KIAA1328: variants seen among roughly 807,000 people sequenced by gnomAD.
KIAA1328 encodes the protein KIAA1328, also known as protein hinderin.
A neutral mutation model predicts 68.1 loss-of-function variants in KIAA1328; 52 were observed. That is an observed-to-expected ratio of 0.76 (90% CI 0.61 to 0.96). KIAA1328 has a LOEUF of 0.96. Among genes scored for constraint, KIAA1328 ranks in the 40% least tolerant of loss-of-function variants. The pLI is 0.00. For missense variants in KIAA1328, 641 were observed against 677.6 expected (o/e 0.95, Z 0.60); for synonymous variants, 232 against 239.4 (o/e 0.97, Z 0.28).
chr18:37,231,168 C>T (rs1030433539), downstream of KIAA1328: 8 of 152,242 alleles, frequency 5.3e-5, no homozygotes, highest in African/African-American at 1.9e-4. Flanking sequence ...TAGCCCACCT[C>T]AATCTGTCCC....
chr18:36,913,698 T>C (rs2049566803), intron 5 of KIAA1328, among the ~76,000 whole-genome samples: 1 of 152,170 alleles, frequency 6.6e-6, no homozygotes, highest in South Asian at 2.1e-4. Context: ...TAAAAATCTT[T>C]TTTCCTTTAC....
chr18:37,002,450 T>C (rs1019036171), intron 6 of KIAA1328, among the ~76,000 whole-genome samples: 1 of 151,796 alleles, frequency 6.6e-6, no homozygotes, highest in South Asian at 2.1e-4. Context: ...GAACTCCTGG[T>C]CTTTAGTGAT....
intron 4 of KIAA1328, among the ~76,000 whole-genome samples, chr18:36,859,486 CCCTGCCTT>C (rs1200250659): frequency 1.4e-4 from 21 of 151,888 alleles, no homozygotes; most frequent in Middle Eastern, 3.4e-3. Flanking sequence ...CTCCCTCACT[CCCTGCCTT>C]CCTGCCTTCC....
At chr18:37,120,187 A>G (rs527311223) in intron 7 of KIAA1328, among the ~76,000 whole-genome samples, 1 of 152,276 alleles carries the variant, frequency 6.6e-6, no homozygotes, top group South Asian at 2.1e-4. Context: ...GATTAAAAAA[A>G]AATTCATCTT....
intron 7 of KIAA1328, among the ~76,000 whole-genome samples, chr18:37,153,624 CTTTTTT>C (rs772159270): frequency 2.0e-4 from 19 of 95,670 alleles, no homozygotes; most frequent in Non-Finnish European, 3.5e-4. Flanking sequence ...AATCCAATAG[CTTTTTT>C]TTTTTTTTTT....
intron 9 of KIAA1328, among the ~76,000 whole-genome samples, chr18:37,196,590 A>T (rs1268224122): frequency 6.6e-6 from 1 of 152,136 alleles, no homozygotes; most frequent in Non-Finnish European, 1.5e-5. Flanking sequence ...TATCACATTT[A>T]TTGAATCAAG....
chr18:36,858,481 T>G (rs1278345135), intron 4 of KIAA1328, among the ~76,000 whole-genome samples: 1 of 152,194 alleles, frequency 6.6e-6, no homozygotes, highest in African/African-American at 2.4e-5. Context: ...AACTATAATA[T>G]ATTTATTAAA....
intron 6 of KIAA1328, among the ~76,000 whole-genome samples, chr18:37,057,599 T>C (rs2055966969): frequency 6.6e-6 from 1 of 151,796 alleles, no homozygotes; most frequent in African/African-American, 2.4e-5. Context: ...GGCTAATTTT[T>C]TTTTTTTTTG....
chr18:36,884,703 A>G (rs9949205), intron 4 of KIAA1328, among the ~76,000 whole-genome samples: 15,888 of 152,192 alleles, frequency 0.1, 2,800 homozygotes, highest in African/African-American at 0.36. Flanking sequence ...GGATAAGTGC[A>G]TTCTATGAGC....
chr18:37,038,852 T>C (rs1198469637), intron 6 of KIAA1328, among the ~76,000 whole-genome samples: 6 of 152,258 alleles, frequency 3.9e-5, no homozygotes, highest in African/African-American at 9.6e-5. Flanking sequence ...CAGCTGCAGG[T>C]TTTTTATAGA....
intron 6 of KIAA1328, among the ~76,000 whole-genome samples, chr18:37,009,655 A>C (rs1026296027): frequency 2.6e-5 from 4 of 152,192 alleles, no homozygotes; most frequent in African/African-American, 9.6e-5. Context: ...ATCTGGTCCA[A>C]ATATCAACAG....
intron 7 of KIAA1328, among the ~76,000 whole-genome samples, chr18:37,072,888 TGTTA>T (rs1237943268): frequency 6.6e-6 from 1 of 152,168 alleles, no homozygotes; most frequent in Admixed American, 6.5e-5. Context: ...TCTGTTCCTG[TGTTA>T]GTTTGCTGAG....
At chr18:36,961,631 T>C (rs1192994565) in intron 6 of KIAA1328, among the ~76,000 whole-genome samples, 4 of 152,168 alleles carry the variant, frequency 2.6e-5, no homozygotes, top group African/African-American at 4.8e-5. Flanking sequence ...GCAGAAACCC[T>C]ACAAGCCAGA....
At chr18:37,228,572 A>G (rs2060650943), downstream of KIAA1328, among the ~76,000 whole-genome samples, 1 of 152,152 alleles carries the variant, frequency 6.6e-6, no homozygotes, top group Non-Finnish European at 1.5e-5. Context: ...GTAATCCCAC[A>G]CTTTGTGAGT....
Position 36,949,608 on chromosome 18 carries a change from C to CCA in KIAA1328, c.449-9700_449-9699insCA, listed in dbSNP as rs761200065. 1.1e-4 allele frequency among the ~76,000 whole-genome samples: 12 copies of CCA among 106,288 alleles called. No homozygotes were observed. The East Asian group carries it at 3.7e-3, about 33-fold the overall frequency. 69.7% of individuals were successfully genotyped at this position (106,288 alleles called of 152,430 possible). ...TGTTTCTACCCAGCTCCCCCCCCCC[C>CCA]ACCCCCCGATCTTGATTTGCAATTC... On this transcript the variant is annotated intron_variant, in intron 5 of 9. Transcript: ENST00000280020.
At chr18:37,034,345 G>A (rs2151595247) in intron 6 of KIAA1328, among the ~76,000 whole-genome samples, 1 of 152,274 alleles carries the variant, frequency 6.6e-6, no homozygotes, top group East Asian at 1.9e-4. Flanking sequence ...GTTGTAACTT[G>A]TAATTAAAGA....
chr18:36,946,100 A>G (rs2050889186), intron 5 of KIAA1328: 1 of 152,210 alleles, frequency 6.6e-6, no homozygotes, highest in Non-Finnish European at 1.5e-5. Context: ...CAGATTAGGG[A>G]TATTCAACCT....
chr18:37,139,191 C>A (rs2058713514), intron 7 of KIAA1328, among the ~76,000 whole-genome samples: 1 of 151,994 alleles, frequency 6.6e-6, no homozygotes, highest in Non-Finnish European at 1.5e-5. Context: ...TCTTGATCTC[C>A]TGACCTCGTG....
chr18:36,924,909 C>T (rs1361524921), intron 5 of KIAA1328: 1 of 152,094 alleles, frequency 6.6e-6, no homozygotes, highest in Non-Finnish European at 1.5e-5. Context: ...ATTTGTTGAA[C>T]AGGAAGTCAT....
Sources: allele counts gnomAD v4.1 joint callset (sites outside exome capture counted in the v4.1 genomes callset), GRCh38; gene constraint gnomAD v4.1.1; transcripts MANE v1.5; gene names NCBI Gene and HGNC (gene_info 2026-07-23, HGNC 2026-07-21).